ARHGEF3: variants seen among roughly 807,000 people sequenced by gnomAD.
ARHGEF3 encodes the protein 59.8 kDA protein.
A neutral mutation model predicts 63.2 loss-of-function variants in ARHGEF3; 28 were observed. That is an observed-to-expected ratio of 0.44 (90% CI 0.33 to 0.61). The LOEUF (loss-of-function observed/expected upper bound fraction) is 0.61, where lower values mean the gene tolerates loss of function less well. ARHGEF3 is among the 20% of genes least tolerant of loss of function. The probability of loss-of-function intolerance (pLI) is 0.03; values close to 1 mark genes in which losing one functional copy is unlikely to be tolerated. For missense variants in ARHGEF3, 533 were observed against 659.3 expected, an observed-to-expected ratio of 0.81 and a Z score of 2.10; for synonymous variants, 266 against 254.2, an observed-to-expected ratio of 1.05 and a Z score of -0.44.
intron 1 of ARHGEF3, among the ~76,000 whole-genome samples, chr3:57,035,474 G>A (rs1477957654): frequency 3.3e-5 from 5 of 152,216 alleles, no homozygotes; most frequent in Middle Eastern, 3.4e-3. Flanking sequence ...TCAGCCTCCC[G>A]AGTAGCTGAG....
intron 1 of ARHGEF3, among the ~76,000 whole-genome samples, chr3:56,789,873 G>A (rs1002108443): frequency 1.3e-5 from 2 of 152,226 alleles, no homozygotes; most frequent in African/African-American, 4.8e-5. Context: ...AAATTATCAA[G>A]TGATGGGGAG....
At chr3:56,923,220 C>A (rs2042196438) in intron 3 of ARHGEF3, among the ~76,000 whole-genome samples, 1 of 151,092 alleles carries the variant, frequency 6.6e-6, no homozygotes, top group Non-Finnish European at 1.5e-5. Flanking sequence ...AAGACTCCGT[C>A]TCAAAAAAAG....
chr3:56,877,375 C>CATT (rs1560014177), intron 4 of ARHGEF3, among the ~76,000 whole-genome samples: 2 of 121,856 alleles, frequency 1.6e-5, no homozygotes, highest in Non-Finnish European at 1.8e-5. Flanking sequence ...GTACTATAAT[C>CATT]CTTTTTTTTT....
chr3:56,800,304 A>G (rs1218270009), intron 1 of ARHGEF3, among the ~76,000 whole-genome samples: 1 of 152,172 alleles, frequency 6.6e-6, no homozygotes, highest in Admixed American at 6.5e-5. Flanking sequence ...TCCTATGTTG[A>G]TTAAATTAGG....
Position 57,052,399 on chromosome 3 carries a change from C to T in ARHGEF3, c.-27-17223G>A, listed in dbSNP as rs530062703. 1.6e-4 allele frequency among the ~76,000 whole-genome samples: 24 copies of T among 152,224 alleles called. No individual in the cohort carries two copies. The East Asian group carries it at 1.7e-3, about 11-fold the overall frequency. ...GCAACCTCCACCTCCCGGGTTCAAG[C>T]AATTCTCCTGCCTCAGCCTCCCGAG... On this transcript the variant is annotated intron_variant, in intron 1 of 12. Coordinates refer to the ARHGEF3 transcript ENST00000338458.
intron 1 of ARHGEF3, chr3:56,775,004 G>C: frequency 6.5e-7 from 1 of 1,532,504 alleles, no homozygotes; most frequent in African/African-American, 1.4e-5. Flanking sequence ...AGTTACCCTT[G>C]TCCTCCTAAG....
chr3:56,923,071 T>TATATATATAC (rs2042190352), intron 3 of ARHGEF3, among the ~76,000 whole-genome samples: 1 of 40,434 alleles, frequency 2.5e-5, no homozygotes. Context: ...TATATATATA[T>TATATATATAC]ATATAAATTA....
chr3:56,729,416 C>G lies in ARHGEF3; in HGVS notation c.1435G>C (p.Gly479Arg). 1 of 1,614,090 alleles carries G rather than the reference C, an allele frequency of 6.2e-7. No individual in the cohort carries two copies. The highest frequency in any genetic ancestry group is 8.5e-7 in the Non-Finnish European group (1 of 1,180,014). ...TCCATCTGCTCAAGTTTTGTTTCTCCCTGTAGCTCTCTGCTCCCGGTGGTG... is the reference window on the plus strand; with the variant it reads ...TCCATCTGCTCAAGTTTTGTTTCTCGCTGTAGCTCTCTGCTCCCGGTGGTG... ...NPTTGSRELQGETKLEQMDQS... is the reference protein window; with the variant it reads ...NPTTGSRELQRETKLEQMDQS... The change falls in exon 10 of 10, where the codon GGA (glycine) becomes CGA (arginine). Residue 479 changes from glycine (G) to arginine (R), a missense_variant. Around this residue, in one of 4 missense-constraint regions of ARHGEF3, gnomAD observed 115 missense variants for 103.4 expected, o/e 1.11. Coordinates refer to ENST00000296315, the MANE Select transcript of ARHGEF3 (RefSeq NM_019555.3).
intron 3 of ARHGEF3, among the ~76,000 whole-genome samples, chr3:56,931,186 C>G (rs1269324591): frequency 6.6e-6 from 1 of 152,164 alleles, no homozygotes; most frequent in Admixed American, 6.5e-5. Context: ...TAATGCCTGG[C>G]AGAGGTTCTT....
chr3:56,981,218 CACAGCTGGTTTTCCCT>C, intron 2 of ARHGEF3, among the ~76,000 whole-genome samples: 1 of 152,356 alleles, frequency 6.6e-6, no homozygotes, highest in East Asian at 1.9e-4. Flanking sequence ...CCGATGTCCA[CACAGCTGGTTTTCCCT>C]ACAGCTGTTG....
At chr3:56,846,368 G>T (rs2039490869) in intron 4 of ARHGEF3, among the ~76,000 whole-genome samples, 1 of 152,184 alleles carries the variant, frequency 6.6e-6, no homozygotes, top group Admixed American at 6.5e-5. Context: ...TCAGGGAGAG[G>T]TGTAGATCCT....
chr3:56,890,777 TA>T (rs1667618859), intron 3 of ARHGEF3, among the ~76,000 whole-genome samples: 1 of 152,240 alleles, frequency 6.6e-6, no homozygotes, highest in Non-Finnish European at 1.5e-5. Context: ...ACAACCCTGT[TA>T]TTTAATCACT....
chr3:57,042,890 G>A (rs901258068), intron 1 of ARHGEF3, among the ~76,000 whole-genome samples: 1 of 150,448 alleles, frequency 6.6e-6, no homozygotes, highest in East Asian at 2.0e-4. Context: ...GTACAGACGA[G>A]GTTTCACCAT....
chr3:57,067,649 A>G (rs1303389851), intron 1 of ARHGEF3, among the ~76,000 whole-genome samples: 1 of 150,864 alleles, frequency 6.6e-6, no homozygotes, highest in Non-Finnish European at 1.5e-5. Flanking sequence ...AGCCTGGGTA[A>G]TACAGAGAGA....
intron 3 of ARHGEF3, among the ~76,000 whole-genome samples, chr3:56,754,774 TCA>T (rs2034968871): frequency 6.6e-6 from 1 of 152,198 alleles, no homozygotes; most frequent in Non-Finnish European, 1.5e-5. Context: ...TATTTTCACA[TCA>T]GTTTCTTTTT....
At chr3:56,969,377 T>A (rs1489381863) in intron 2 of ARHGEF3, among the ~76,000 whole-genome samples, 6 of 151,886 alleles carry the variant, frequency 4.0e-5, no homozygotes, top group East Asian at 1.9e-4. Context: ...AGTGTTCTTT[T>A]TTTCTTATTG....
At chr3:56,923,195 C>G (rs1560054107) in intron 3 of ARHGEF3, among the ~76,000 whole-genome samples, 2 of 151,032 alleles carry the variant, frequency 1.3e-5, no homozygotes, top group South Asian at 4.2e-4. Context: ...GCCACTCCAG[C>G]CTGGGCAACA....
chr3:57,042,888 G>A (rs1431178229), intron 1 of ARHGEF3, among the ~76,000 whole-genome samples: 3 of 150,634 alleles, frequency 2.0e-5, no homozygotes, highest in Admixed American at 1.3e-4. Context: ...CAGTACAGAC[G>A]AGGTTTCACC....
chr3:56,850,814 A>C (rs1250157931), intron 4 of ARHGEF3, among the ~76,000 whole-genome samples: 1 of 152,178 alleles, frequency 6.6e-6, no homozygotes, highest in African/African-American at 2.4e-5. Context: ...GGAGCTTACT[A>C]CATGCCAGGA....
Sources: allele counts gnomAD v4.1 joint callset (sites outside exome capture counted in the v4.1 genomes callset), GRCh38; gene constraint gnomAD v4.1.1; regional missense constraint gnomAD v4.1.1; transcripts MANE v1.5; gene names NCBI Gene and HGNC (gene_info 2026-07-23, HGNC 2026-07-21).